Variants in DOLPP1 observed in about 807,000 individuals in gnomAD.
The protein encoded by DOLPP1 is dolichyldiphosphatase 1, also known as dolichyl pyrophosphate phosphatase 1.
A neutral mutation model predicts 34.1 loss-of-function variants in DOLPP1; 15 were observed. The ratio of observed to expected loss-of-function variants is 0.44; its 90% CI spans 0.29 to 0.68. The LOEUF is 0.68. Ranked by LOEUF, DOLPP1 falls within the 30% of genes least tolerant of loss-of-function variation. DOLPP1 has a pLI of 0.12. For synonymous variants in DOLPP1, 130 were observed against 128.2 expected (o/e 1.01, Z -0.10); for missense variants, 249 against 307.1 (o/e 0.81, Z 1.41).
Position 129,089,519 on chromosome 9 carries a change from GGCCGGGGTGGCCTGGGT to G in DOLPP1, c.*516_*532del, listed in dbSNP as rs1461013581. Reference sequence around the variant, plus strand: ...CCAGAGGGCAGACTGCCTCTCCCTGGGCCGGGGTGGCCTGGGTGCCAGGAGGAGGGGAGCATACCCCA... The same window carrying G: ...CCAGAGGGCAGACTGCCTCTCCCTGGGCCAGGAGGAGGGGAGCATACCCCA... On this transcript the variant is annotated 3_prime_UTR_variant, in exon 8 of 8. Coordinates refer to ENST00000372546, the MANE Select transcript of DOLPP1 (RefSeq NM_020438.5). The surrounding 1 kb of genome is among the most constrained non-coding windows in gnomAD (Gnocchi z 4.9). The G allele has an allele frequency of 1.9e-5, 3 of 154,096 alleles. No individual in the cohort carries two copies. The highest frequency in any genetic ancestry group is 1.9e-4 in the Admixed American group (3 of 15,606). 9.5% of individuals were successfully genotyped at this position (154,096 alleles called of 1,614,324 possible). A position where few individuals can be genotyped will look rare whatever the true frequency, so the allele number is the denominator to read the frequency against.
chr9:129,083,022 G>A (rs560412031), intron 1 of DOLPP1, among the ~76,000 whole-genome samples: 25 of 152,342 alleles, frequency 1.6e-4, no homozygotes, highest in African/African-American at 5.5e-4. Flanking sequence ...CAGGTGGGGG[G>A]AAACTGTGTG....
chr9:129,085,987 G>T lies in DOLPP1; in HGVS notation c.462-152G>T. The T allele has an allele frequency of 2.7e-6, 2 of 743,698 alleles. No homozygotes were observed. Among genetic ancestry groups the T allele is most frequent in the Admixed American group, 5.2e-5 (2 of 38,768 alleles). The allele number at this position is 743,698 out of a possible 1,614,324, so 46.1% of individuals were successfully genotyped here. A position where few individuals can be genotyped will look rare whatever the true frequency, so the allele number is the denominator to read the frequency against. Reference sequence around the variant, plus strand: ...TCCAGCGCCCTCCCACTTGGAAATGGATCTGAGGCTGTGCCCCGTGGAGTC... The same window carrying T: ...TCCAGCGCCCTCCCACTTGGAAATGTATCTGAGGCTGTGCCCCGTGGAGTC... On this transcript the variant is annotated intron_variant, in intron 5 of 7. Coordinates refer to ENST00000372546, the MANE Select transcript of DOLPP1 (RefSeq NM_020438.5). This position sits in a 1 kb window ranked among gnomAD's most constrained non-coding sequence, Gnocchi z 7.0.
chr9:129,085,595 C>T lies in DOLPP1; in HGVS notation c.440C>T (p.Ala147Val). 6.2e-7 allele frequency: 1 copy of T among 1,613,052 alleles called. No individual in the cohort carries two copies. The highest frequency in any genetic ancestry group is 8.5e-7 in the Non-Finnish European group (1 of 1,179,682). Residue 147 changes from alanine to valine, a missense_variant, in exon 5 of 8, where the codon GCC (alanine) becomes GTC (valine). Physicochemically the swap from Ala to Val is moderately conservative, Grantham distance 64. Coordinates refer to ENST00000372546, the MANE Select transcript of DOLPP1 (RefSeq NM_020438.5). This position sits in a 1 kb window ranked among gnomAD's most constrained non-coding sequence, Gnocchi z 7.0. The stretch of plus-strand genomic sequence containing the variant: ...CTCTCCCTGGGACTCCTCGCTGTGG[C>T]CTTCCTAGTCTCCTACAGCAGGTAT... The part of the protein sequence containing the change: ...HVLSLGLLAV[A>V]FLVSYSRVYL...
In DOLPP1 at chr9:129,089,054, G is replaced by A; in HGVS notation, c.*47G>A. The A allele has an allele frequency of 5.6e-6, 9 of 1,601,522 alleles. No homozygotes were observed. Among genetic ancestry groups the A allele is most frequent in the Non-Finnish European group, 7.7e-6 (9 of 1,169,442 alleles). ...AGCCTCCAGATCTGGCCCGCACGAT[G>A]CCTTGCAGGATGGACAGGATGACAG... is the stretch of plus-strand genomic sequence containing the variant. On this transcript the variant is annotated 3_prime_UTR_variant, in exon 8 of 8. Transcript: ENST00000372546. The surrounding 1 kb of genome is among the most constrained non-coding windows in gnomAD (Gnocchi z 4.9).
intron 6 of DOLPP1, 142 bp downstream of exon 6, chr9:129,086,409 C>G: frequency 8.9e-7 from 1 of 1,122,596 alleles, no homozygotes. Context: ...GTGGCAGAGA[C>G]ACAGGGGGTT....
chr9:129,086,207 T>C lies in DOLPP1; in HGVS notation c.530T>C (p.Ile177Thr), dbSNP rs766302447. 1 of 1,613,620 alleles carries C rather than the reference T, an allele frequency of 6.2e-7. No individual in the cohort carries two copies. Among genetic ancestry groups the C allele is most frequent in the South Asian group, 1.1e-5 (1 of 91,084 alleles). ...YGGIAGGLMA[I>T]AWFIFTQEVL... The stretch of plus-strand genomic sequence containing the variant: ...GGCATCGCTGGAGGCCTCATGGCCA[T>C]CGCCTGGTTCATCTTCACCCAGGAG... Residue 177 changes from isoleucine to threonine, a missense_variant, in exon 6 of 8, where the codon ATC becomes ACC. By Grantham distance (89) the Ile-to-Thr change is moderately conservative (BLOSUM62 -1). Transcript: ENST00000372546.
Position 129,085,535 on chromosome 9 carries a change from A to G in DOLPP1, c.380A>G (p.Asn127Ser). The change falls in exon 5 of 8, where the codon AAC becomes AGC. Residue 127 changes from asparagine (N) to serine (S), a missense_variant. Physicochemically the swap from Asn to Ser is conservative, Grantham distance 46. Coordinates refer to ENST00000372546, the MANE Select transcript of DOLPP1 (RefSeq NM_020438.5). This position sits in a 1 kb window ranked among gnomAD's most constrained non-coding sequence, Gnocchi z 7.0. Reference protein sequence around the residue: ...FLYLRMHQTNNARFLDLLWRH... With the variant: ...FLYLRMHQTNSARFLDLLWRH... ...TTTCGCAGAATGCACCAAACAAACAACGCCAGGTTCCTGGACTTGCTGTGG... is the reference window on the plus strand; with the variant it reads ...TTTCGCAGAATGCACCAAACAAACAGCGCCAGGTTCCTGGACTTGCTGTGG... The G allele has an allele frequency of 6.2e-7, 1 of 1,613,606 alleles. No individual in the cohort carries two copies. Among genetic ancestry groups the G allele is most frequent in the Non-Finnish European group, 8.5e-7 (1 of 1,179,924 alleles).
In DOLPP1 at chr9:129,085,372, T is replaced by A; in HGVS notation, c.362+66T>A. 2 of 1,548,236 alleles carry A rather than the reference T, an allele frequency of 1.3e-6. No individual in the cohort carries two copies. Among genetic ancestry groups the A allele is most frequent in the Non-Finnish European group, 1.8e-6 (2 of 1,120,936 alleles). On this transcript the variant is annotated intron_variant, in intron 4 of 7. Coordinates refer to ENST00000372546, the MANE Select transcript of DOLPP1 (RefSeq NM_020438.5). The surrounding 1 kb of genome is among the most constrained non-coding windows in gnomAD (Gnocchi z 7.0). ...AGGCCGAGTTCTGCTAGGGACTCAC[T>A]GCTAGCCCTTTGGATGCCCCTGGGG... is the stretch of plus-strand genomic sequence containing the variant.
chr9:129,084,608 G>C, intron 1 of DOLPP1, 60 bp from the exon 2 acceptor site: 2 of 1,216,284 alleles, frequency 1.6e-6, no homozygotes, highest in Non-Finnish European at 2.4e-6. Flanking sequence ...CTTGTAGGGG[G>C]CTGGTCCCTC....
intron 1 of DOLPP1, among the ~76,000 whole-genome samples, chr9:129,081,713 G>A (rs530552770): frequency 4.9e-4 from 75 of 152,312 alleles, no homozygotes; most frequent in Non-Finnish European, 8.8e-4. Flanking sequence ...CCCTGAGCAG[G>A]GCACGATTCC....
In DOLPP1 at chr9:129,084,896, C is replaced by T. The variant is rs1242378502; in HGVS notation, c.178-127C>T. ...CCACCTGTCTTGAGGTGCGTGGAGC[C>T]TCCTGGCTGGTTCTAGGTTACTCAC... is the stretch of plus-strand genomic sequence containing the variant. On this transcript the variant is annotated intron_variant, in intron 2 of 7. Coordinates refer to ENST00000372546, the MANE Select transcript of DOLPP1 (RefSeq NM_020438.5). The T allele has an allele frequency of 9.4e-6, 12 of 1,278,392 alleles. No homozygotes were observed. In the East Asian group the frequency reaches 1.6e-4, roughly 18 times the overall value. 79.2% of individuals were successfully genotyped at this position (1,278,392 alleles called of 1,614,324 possible).
chr9:129,086,411 C>A, intron 6 of DOLPP1, 144 bp downstream of exon 6: 1 of 1,113,548 alleles, frequency 9.0e-7, no homozygotes, highest in Non-Finnish European at 1.3e-6. Context: ...GGCAGAGACA[C>A]AGGGGGTTTC....
chr9:129,081,777 G>A (rs1038155994), intron 1 of DOLPP1, among the ~76,000 whole-genome samples: 7 of 152,202 alleles, frequency 4.6e-5, no homozygotes, highest in Non-Finnish European at 8.8e-5. Flanking sequence ...CTTGACTTCT[G>A]TTGCTTCCCA....
chr9:129,081,333 A>C, intron 1 of DOLPP1, 126 bp downstream of exon 1: 1 of 1,196,994 alleles, frequency 8.4e-7, no homozygotes, highest in Non-Finnish European at 1.1e-6. Context: ...CAAATAGTGA[A>C]CCACGGAGGG....
In DOLPP1 at chr9:129,086,333, G is replaced by A. The variant is rs750267060; in HGVS notation, c.590+66G>A. 1.1e-4 allele frequency: 178 copies of A among 1,586,386 alleles called. 1 individual carries two copies. Among genetic ancestry groups the A allele is most frequent in the Non-Finnish European group, 1.3e-4 (155 of 1,164,802 alleles). ...CCCTCCTGTGGGTGGGGCCATCAGTGGGCGGACCTAGGAGTCTTGACCCCA... is the reference window on the plus strand; with the variant it reads ...CCCTCCTGTGGGTGGGGCCATCAGTAGGCGGACCTAGGAGTCTTGACCCCA... On this transcript the variant is annotated intron_variant, in intron 6 of 7. Transcript: ENST00000372546.
intron 1 of DOLPP1, 70 bp from the exon 2 acceptor site, chr9:129,084,598 C>T: frequency 8.7e-7 from 1 of 1,155,068 alleles, no homozygotes; most frequent in South Asian, 1.2e-5. Flanking sequence ...TCAGGCCTTA[C>T]TTGTAGGGGG....
rs1434298977 is a variant in DOLPP1, at chr9:129,081,339, G to C, written c.76+132G>C. On this transcript the variant is annotated intron_variant, in intron 1 of 7. Transcript: ENST00000372546. The stretch of plus-strand genomic sequence containing the variant: ...GGGAACTGTCAAATAGTGAACCACG[G>C]AGGGGCTCGGCCGGCGCGCGCGCCG... The C allele has an allele frequency of 3.4e-6, 4 of 1,160,488 alleles. No homozygotes were observed. In the African/African-American group the frequency reaches 4.8e-5, roughly 14 times the overall value. 71.9% of individuals were successfully genotyped at this position (1,160,488 alleles called of 1,614,324 possible).
At chr9:129,084,528 C>A in intron 1 of DOLPP1, 140 bp from the exon 2 acceptor site, 1 of 735,612 alleles carries the variant, frequency 1.4e-6, no homozygotes, top group South Asian at 1.5e-5. Context: ...GGCCGGTAAA[C>A]AGGTGTCCCT....
rs377176740 is a variant in DOLPP1 at position 129,085,632 on chromosome 9, A to G, written c.461+16A>G. 16 of 1,597,152 alleles carry G rather than the reference A, an allele frequency of 1.0e-5. No homozygotes were observed. The highest frequency in any genetic ancestry group is 1.8e-4 in the Middle Eastern group (1 of 5,554). ...CCTACAGCAGGTATGGAGGAGGGAG[A>G]GCCCCTGCCTGCACCCTGCCCATGT... On this transcript the variant is annotated intron_variant, in intron 5 of 7. Transcript: ENST00000372546. This position sits in a 1 kb window ranked among gnomAD's most constrained non-coding sequence, Gnocchi z 7.0.
Sources: gnomAD v4.1 joint callset for allele counts (sites outside exome capture counted in the v4.1 genomes callset) on GRCh38, gnomAD v4.1.1 for gene constraint, Gnocchi (gnomAD v3.1) non-coding constraint, MANE v1.5 for transcripts, NCBI Gene and HGNC (gene_info 2026-07-23, HGNC 2026-07-21) for gene names.